KIF26B: variants seen among roughly 807,000 people sequenced by gnomAD.
KIF26B encodes the protein kinesin family member 26B.
A neutral mutation model predicts 151.2 loss-of-function variants in KIF26B; 63 were observed. That is an observed-to-expected ratio of 0.42 (90% CI 0.34 to 0.51). The LOEUF (loss-of-function observed/expected upper bound fraction) is 0.51, where lower values mean the gene tolerates loss of function less well. Ranked by LOEUF, KIF26B falls within the 20% of genes least tolerant of loss-of-function variation. The probability of loss-of-function intolerance (pLI) is 0.07; values close to 1 mark genes in which losing one functional copy is unlikely to be tolerated. For missense variants in KIF26B, 2,813 were observed against 2,913.6 expected, an observed-to-expected ratio of 0.97 and a Z score of 0.79; for synonymous variants, 1,357 against 1,262.1, an observed-to-expected ratio of 1.08 and a Z score of -1.59.
chr1:245,179,582 G>A (rs566519540), intron 2 of KIF26B, among the ~76,000 whole-genome samples: 5 of 152,216 alleles, frequency 3.3e-5, no homozygotes, highest in African/African-American at 1.2e-4. Context: ...CCGAGATCAC[G>A]CCACTGCACT....
intron 2 of KIF26B, among the ~76,000 whole-genome samples, chr1:245,168,085 A>T (rs1396387207): frequency 6.6e-6 from 1 of 152,186 alleles, no homozygotes; most frequent in Non-Finnish European, 1.5e-5. Context: ...GTAATCTAAG[A>T]GCATGGTAGT....
chr1:245,250,555 A>G (rs1451145452), intron 2 of KIF26B, among the ~76,000 whole-genome samples: 1 of 152,172 alleles, frequency 6.6e-6, no homozygotes, highest in Admixed American at 6.5e-5. Context: ...CAGCTTAACT[A>G]GATGTTGCCA....
intron 5 of KIF26B, among the ~76,000 whole-genome samples, chr1:245,562,096 A>C (rs1174895571): frequency 6.6e-6 from 1 of 152,094 alleles, no homozygotes; most frequent in Non-Finnish European, 1.5e-5. Flanking sequence ...CTCGTCCTCC[A>C]GCCGTACTTT....
chr1:245,289,725 G>C (rs1259316407), intron 2 of KIF26B, among the ~76,000 whole-genome samples: 1 of 151,962 alleles, frequency 6.6e-6, no homozygotes. Context: ...CTGCAGGAGA[G>C]TTGGGAGTTT....
chr1:245,470,593 G>GCT (rs1394892615), intron 4 of KIF26B, among the ~76,000 whole-genome samples: 5 of 152,038 alleles, frequency 3.3e-5, no homozygotes, highest in African/African-American at 1.2e-4. Flanking sequence ...ACCACGCCCG[G>GCT]CTAATTTTTT....
chr1:245,261,720 A>G (rs1670649270), intron 2 of KIF26B, among the ~76,000 whole-genome samples: 1 of 151,776 alleles, frequency 6.6e-6, no homozygotes, highest in African/African-American at 2.4e-5. Context: ...TATAGCTAGG[A>G]CTACAGGCAT....
chr1:245,534,977 C>T (rs1661457698), intron 4 of KIF26B, among the ~76,000 whole-genome samples: 1 of 152,018 alleles, frequency 6.6e-6, no homozygotes, highest in African/African-American at 2.4e-5. Context: ...AGATGGGGGT[C>T]TCACCATGTT....
chr1:245,688,084 G>C lies in KIF26B; in HGVS notation c.5101G>C (p.Gly1701Arg), dbSNP rs1185283109. ...VSSRLHAGKDGTMPRAGRSLG... is the reference protein window; with the variant it reads ...VSSRLHAGKDRTMPRAGRSLG... Reference sequence around the variant, plus strand: ...CTCCCGGCTGCACGCGGGCAAGGACGGCACCATGCCCCGCGCGGGGAGGAG... The same window carrying C: ...CTCCCGGCTGCACGCGGGCAAGGACCGCACCATGCCCCGCGCGGGGAGGAG... Residue 1701 changes from glycine to arginine, a missense_variant, in exon 12 of 15, where the codon GGC becomes CGC. By Grantham distance (125) the Gly-to-Arg change is moderately radical. Around this residue, in one of 3 missense-constraint regions of KIF26B, gnomAD observed 2,060 missense variants for 2,088.6 expected, o/e 0.99. Transcript: ENST00000407071. 2 of 1,553,630 alleles carry C rather than the reference G, an allele frequency of 1.3e-6. No homozygotes were observed. The highest frequency in any genetic ancestry group is 1.9e-5 in the Admixed American group (1 of 51,826).
intron 2 of KIF26B, among the ~76,000 whole-genome samples, chr1:245,282,215 G>T (rs1422558578): frequency 2.0e-5 from 3 of 152,034 alleles, no homozygotes; most frequent in Non-Finnish European, 4.4e-5. Flanking sequence ...AGCTACCAAT[G>T]ACTTTCTTCA....
intron 4 of KIF26B, among the ~76,000 whole-genome samples, chr1:245,477,620 G>A (rs554822392): frequency 4.7e-4 from 71 of 151,946 alleles, no homozygotes; most frequent in African/African-American, 1.7e-3. Flanking sequence ...TGGGGGAGCT[G>A]AACCAAGCAG....
chr1:245,697,650 G>A (rs1212551030), intron 12 of KIF26B, among the ~76,000 whole-genome samples: 2 of 152,076 alleles, frequency 1.3e-5, no homozygotes, highest in Non-Finnish European at 2.9e-5. Context: ...GTGGGTGGTG[G>A]GAAGTGGGAG....
At position 245,266,503 on chromosome 1, in the gene KIF26B, C is replaced by CTTTA. The variant is rs574446163; in HGVS notation, c.466-100328_466-100327insATTT. Among the ~76,000 whole-genome samples, 56 of 151,780 alleles carry CTTTA rather than the reference C, an allele frequency of 3.7e-4. 1 individual carries two copies. In the South Asian group the frequency reaches 7.1e-3, roughly 19 times the overall value. On this transcript the variant is annotated intron_variant, in intron 2 of 14. Coordinates refer to ENST00000407071, the MANE Select transcript of KIF26B (RefSeq NM_018012.4). ...CATCTTTTACCATTTTCTTTTCTTT[C>CTTTA]TTTCTTTCTTTCTTTTTTTTTTTGA...
chr1:245,269,105 G>C (rs1670802838), intron 2 of KIF26B, among the ~76,000 whole-genome samples: 1 of 152,122 alleles, frequency 6.6e-6, no homozygotes, highest in African/African-American at 2.4e-5. Flanking sequence ...ATACAATATT[G>C]TTAATTATAT....
At chr1:245,275,918 T>G (rs972364739) in intron 2 of KIF26B, among the ~76,000 whole-genome samples, 1 of 152,216 alleles carries the variant, frequency 6.6e-6, no homozygotes, top group African/African-American at 2.4e-5. Context: ...GACAGGTTTT[T>G]ATTCTTTCAG....
chr1:245,665,336 A>G (rs1296936072), intron 10 of KIF26B, among the ~76,000 whole-genome samples: 1 of 152,208 alleles, frequency 6.6e-6, no homozygotes, highest in Non-Finnish European at 1.5e-5. Context: ...AAACTGGAGT[A>G]CTTTTTTTGT....
At chr1:245,580,626 C>A (rs1411871679) in intron 5 of KIF26B, among the ~76,000 whole-genome samples, 1 of 152,294 alleles carries the variant, frequency 6.6e-6, no homozygotes, top group South Asian at 2.1e-4. Context: ...GCAGTCCAGG[C>A]AGGCCCACTC....
intron 9 of KIF26B, among the ~76,000 whole-genome samples, chr1:245,633,377 GACTT>G (rs964204494): frequency 1.4e-4 from 22 of 152,008 alleles, no homozygotes; most frequent in South Asian, 2.1e-4. Context: ...GATAGGTAAG[GACTT>G]ACTTCTGTGA....
chr1:245,274,520 C>T (rs1670907351), intron 2 of KIF26B, among the ~76,000 whole-genome samples: 1 of 152,254 alleles, frequency 6.6e-6, no homozygotes, highest in South Asian at 2.1e-4. Context: ...TGATGGTTTC[C>T]AGCTTCATCC....
chr1:245,524,221 G>A (rs1009081495), intron 4 of KIF26B, among the ~76,000 whole-genome samples: 3 of 152,138 alleles, frequency 2.0e-5, no homozygotes, highest in Admixed American at 2.0e-4. Flanking sequence ...CATTTAGTGT[G>A]CTCCCACTGT....
Sources: gnomAD v4.1 joint callset for allele counts (sites outside exome capture counted in the v4.1 genomes callset) on GRCh38, gnomAD v4.1.1 for gene constraint, gnomAD v4.1.1 regional missense constraint, MANE v1.5 for transcripts, NCBI Gene and HGNC (gene_info 2026-07-23, HGNC 2026-07-21) for gene names.